Variants in FRMD4A observed in about 807,000 individuals in gnomAD.
The protein encoded by FRMD4A is FERM domain containing 4A.
Under a neutral mutation model 129.1 loss-of-function variants are expected in FRMD4A, and 29 were observed. That is an observed-to-expected ratio of 0.22 (90% confidence interval 0.17 to 0.31). The LOEUF is 0.31. Ranked by LOEUF, FRMD4A falls within the 10% of genes least tolerant of loss-of-function variation. The pLI is 1.00. For synonymous variants in FRMD4A, 634 were observed against 571.6 expected (o/e 1.11, Z -1.56); for missense variants, 1,272 against 1,375.8 (o/e 0.92, Z 1.19).
intron 2 of FRMD4A, among the ~76,000 whole-genome samples, chr10:14,302,593 G>A (rs1284164646): frequency 6.6e-6 from 1 of 152,090 alleles, no homozygotes. Context: ...TAACACACAC[G>A]GACTTCTTAG....
At chr10:14,078,682 G>C (rs957169134) in intron 2 of FRMD4A, among the ~76,000 whole-genome samples, 2 of 152,162 alleles carry the variant, frequency 1.3e-5, no homozygotes, top group Non-Finnish European at 2.9e-5. Flanking sequence ...ACCATTATAG[G>C]ATGGATGAAA....
intron 19 of FRMD4A, 135 bp from the exon 20 acceptor site, chr10:13,660,688 C>T (rs2082573116): frequency 1.7e-6 from 1 of 601,206 alleles, no homozygotes; most frequent in Admixed American, 3.0e-5. Context: ...TGATGAGAAA[C>T]CCTGAAACTC....
intron 9 of FRMD4A, 149 bp from the exon 10 acceptor site, chr10:13,740,726 T>C (rs191913691): frequency 7.1e-4 from 405 of 570,816 alleles, no homozygotes; most frequent in African/African-American, 4.3e-3. Context: ...GAGTGGTATT[T>C]CCAAACTCGG....
intron 19 of FRMD4A, among the ~76,000 whole-genome samples, chr10:13,662,894 G>A (rs2134678957): frequency 6.6e-6 from 1 of 152,242 alleles, no homozygotes; most frequent in South Asian, 2.1e-4. Flanking sequence ...TGCCTAGTGT[G>A]TAGATTCTCT....
At chr10:14,325,255 C>A (rs1843226067) in intron 2 of FRMD4A, among the ~76,000 whole-genome samples, 2 of 152,228 alleles carry the variant, frequency 1.3e-5, no homozygotes, top group Admixed American at 1.3e-4. Flanking sequence ...AGGATCTAAT[C>A]TGAATCTATC....
intron 2 of FRMD4A, chr10:13,972,272 C>T: frequency 1.0e-6 from 1 of 989,886 alleles, no homozygotes; most frequent in Non-Finnish European, 1.2e-6. Context: ...ATTCCCCAGA[C>T]ATTCCATCCC....
chr10:14,132,230 G>C (rs11258884), intron 2 of FRMD4A, among the ~76,000 whole-genome samples: 47,753 of 151,972 alleles, frequency 0.31, 7,784 homozygotes, highest in East Asian at 0.55. Flanking sequence ...GGAGGTTGCA[G>C]TGAGCCGAGA....
chr10:14,255,197 G>T (rs1844566795), intron 2 of FRMD4A, among the ~76,000 whole-genome samples: 1 of 152,156 alleles, frequency 6.6e-6, no homozygotes, highest in South Asian at 2.1e-4. Context: ...CTGCTAAAAG[G>T]TGAAAGAAAA....
intron 3 of FRMD4A, among the ~76,000 whole-genome samples, chr10:13,856,245 T>C (rs2094213120): frequency 6.6e-6 from 1 of 150,770 alleles, no homozygotes; most frequent in Non-Finnish European, 1.5e-5. Flanking sequence ...TGTGTGTGTG[T>C]GTGTGTGTGT....
At chr10:14,254,137 T>G (rs1274043916) in intron 2 of FRMD4A, among the ~76,000 whole-genome samples, 1 of 152,126 alleles carries the variant, frequency 6.6e-6, no homozygotes, top group Non-Finnish European at 1.5e-5. Flanking sequence ...TCCATTGAAC[T>G]CCAATCAGCA....
chr10:14,106,026 T>G (rs570971920), intron 2 of FRMD4A, among the ~76,000 whole-genome samples: 2 of 152,352 alleles, frequency 1.3e-5, no homozygotes, highest in Non-Finnish European at 2.9e-5. Context: ...GGATTGCAAA[T>G]GTTGTCATTC....
At chr10:13,922,696 A>T (rs531659423) in intron 2 of FRMD4A, among the ~76,000 whole-genome samples, 110 of 152,346 alleles carry the variant, frequency 7.2e-4, no homozygotes, top group Non-Finnish European at 1.4e-3. Flanking sequence ...AAAACAGGAG[A>T]CAAAATTAGC....
chr10:14,216,107 G>A (rs1843067663), intron 2 of FRMD4A, among the ~76,000 whole-genome samples: 1 of 152,162 alleles, frequency 6.6e-6, no homozygotes, highest in Non-Finnish European at 1.5e-5. Context: ...ATGTCTGGGT[G>A]TTTGAAACCC....
intron 3 of FRMD4A, among the ~76,000 whole-genome samples, chr10:13,837,545 T>A (rs751619994): frequency 3.3e-5 from 5 of 152,236 alleles, no homozygotes; most frequent in Admixed American, 6.5e-5. Flanking sequence ...GGGGTCACAT[T>A]TGCAGCCACT....
intron 2 of FRMD4A, among the ~76,000 whole-genome samples, chr10:13,928,157 A>G (rs1444175938): frequency 2.0e-5 from 3 of 151,882 alleles, no homozygotes; most frequent in Non-Finnish European, 4.4e-5. Context: ...AGTAGTTGGG[A>G]CTATAGGTGC....
chr10:13,957,439 G>C (rs1588540534), intron 2 of FRMD4A, among the ~76,000 whole-genome samples: 1 of 152,074 alleles, frequency 6.6e-6, no homozygotes, highest in Non-Finnish European at 1.5e-5. Context: ...ATTTTTAGTA[G>C]AGACAGGGTT....
At chr10:14,184,550 T>G (rs1842021181) in intron 2 of FRMD4A, among the ~76,000 whole-genome samples, 1 of 152,112 alleles carries the variant, frequency 6.6e-6, no homozygotes, top group Non-Finnish European at 1.5e-5. Context: ...TTTGTTGTTG[T>G]TCCAATTTAA....
chr10:14,199,581 G>A (rs1412659848), intron 2 of FRMD4A, among the ~76,000 whole-genome samples: 1 of 152,044 alleles, frequency 6.6e-6, no homozygotes, highest in Non-Finnish European at 1.5e-5. Context: ...GTAGAGACAG[G>A]GTTTTGCCAT....
At chr10:13,862,392 A>G (rs2094306776) in intron 2 of FRMD4A, among the ~76,000 whole-genome samples, 1 of 152,220 alleles carries the variant, frequency 6.6e-6, no homozygotes, top group African/African-American at 2.4e-5. Context: ...CAAAGTTCAC[A>G]CTCACACTTA....
Sources: allele counts gnomAD v4.1 joint callset (sites outside exome capture counted in the v4.1 genomes callset), GRCh38; gene constraint gnomAD v4.1.1; transcripts MANE v1.5; gene names NCBI Gene and HGNC (gene_info 2026-07-23, HGNC 2026-07-21).